Variants in NEO1 observed in about 807,000 individuals in gnomAD.
NEO1 encodes the protein neogenin 1, also known as neogenin.
NEO1 carries 63 observed loss-of-function variants against 159.7 expected under a neutral mutation model. The observed-to-expected ratio is 0.39, with a 90% CI of 0.32 to 0.49. NEO1 has a LOEUF of 0.49. Among genes scored for constraint, NEO1 ranks in the 20% least tolerant of loss-of-function variants. The pLI is 0.85. For missense variants in NEO1, 1,615 were observed against 1,831.0 expected (o/e 0.88, Z 2.15); for synonymous variants, 633 against 662.0 (o/e 0.96, Z 0.67).
rs189897900 is a variant in NEO1, at chr15:73,166,339, C to T, written c.1016-10064C>T. Among the ~76,000 whole-genome samples the T allele has an allele frequency of 3.9e-3, 597 of 152,276 alleles. 7 individuals are homozygous for T. Among genetic ancestry groups the T allele is most frequent in the Non-Finnish European group, 4.8e-3 (324 of 68,024 alleles). On this transcript the variant is annotated intron_variant, in intron 5 of 28. Transcript: ENST00000261908. ...AGAATTACCATTTGAACTAACAGTT[C>T]CTCTTCTGGGCATGTTACCAAACTG...
chr15:73,077,393 C>T (rs1010478512), intron 1 of NEO1, among the ~76,000 whole-genome samples: 92 of 152,154 alleles, frequency 6.0e-4, no homozygotes, highest in Non-Finnish European at 6.2e-4. Context: ...ACAAATTAAA[C>T]TAGTTATGTT....
At chr15:73,144,520 C>T (rs972461653) in intron 5 of NEO1, among the ~76,000 whole-genome samples, 13 of 152,048 alleles carry the variant, frequency 8.5e-5, no homozygotes, top group Admixed American at 8.5e-4. Context: ...TTTCTTTGCC[C>T]GTTCCTTTTG....
intron 5 of NEO1, among the ~76,000 whole-genome samples, chr15:73,139,737 A>G (rs115253960): frequency 0.014 from 2,160 of 152,354 alleles, 47 homozygotes; most frequent in African/African-American, 0.05. Flanking sequence ...TGAAAACTTT[A>G]TGAGATTTCA....
intron 14 of NEO1, among the ~76,000 whole-genome samples, chr15:73,259,786 T>G (rs1318938843): frequency 6.6e-6 from 1 of 152,192 alleles, no homozygotes; most frequent in Non-Finnish European, 1.5e-5. Context: ...CTCCAAACTT[T>G]CATGTTTTCT....
chr15:73,273,041 G>A (rs1196632547), intron 19 of NEO1, among the ~76,000 whole-genome samples: 5 of 143,838 alleles, frequency 3.5e-5, no homozygotes, highest in Non-Finnish European at 7.5e-5. Context: ...GCTACTTCAA[G>A]TACCTGTGCT....
At chr15:73,225,556 C>G (rs1216265306) in intron 7 of NEO1, among the ~76,000 whole-genome samples, 1 of 152,034 alleles carries the variant, frequency 6.6e-6, no homozygotes, top group African/African-American at 2.4e-5. Flanking sequence ...CTGAGTCATG[C>G]AGGTTGTCAG....
chr15:73,137,745 C>T (rs1393377572), intron 5 of NEO1, among the ~76,000 whole-genome samples: 31 of 152,314 alleles, frequency 2.0e-4, no homozygotes, highest in Non-Finnish European at 2.9e-5. Context: ...GATCCACCCG[C>T]CTCGGCCTCC....
chr15:73,096,374 C>T (rs559426583), intron 1 of NEO1, among the ~76,000 whole-genome samples: 35 of 152,134 alleles, frequency 2.3e-4, no homozygotes, highest in Middle Eastern at 3.4e-3. Flanking sequence ...CTGAAGCATT[C>T]GAAGAATTGC....
chr15:73,207,897 A>G (rs917474536), intron 7 of NEO1, among the ~76,000 whole-genome samples: 1 of 152,206 alleles, frequency 6.6e-6, no homozygotes, highest in African/African-American at 2.4e-5. Context: ...TTTGGGATTA[A>G]TATTTATGAA....
intron 15 of NEO1, among the ~76,000 whole-genome samples, chr15:73,264,750 G>T (rs1199300675): frequency 6.6e-6 from 1 of 152,064 alleles, no homozygotes; most frequent in African/African-American, 2.4e-5. Context: ...TCAGCACCTG[G>T]ATATATCTCA....
chr15:73,083,773 T>C (rs1259713973), intron 1 of NEO1, among the ~76,000 whole-genome samples: 1 of 152,196 alleles, frequency 6.6e-6, no homozygotes, highest in Non-Finnish European at 1.5e-5. Context: ...AGGTAAGTTA[T>C]ATAATGATTT....
chr15:73,238,873 A>C (rs561982632), intron 8 of NEO1, among the ~76,000 whole-genome samples: 1 of 151,110 alleles, frequency 6.6e-6, no homozygotes, highest in African/African-American at 2.4e-5. Context: ...TTGGAGACAA[A>C]GGTCTCGCTG....
At chr15:73,289,118 G>T in intron 24 of NEO1, 28 bp from the exon 25 acceptor site, 1 of 1,599,798 alleles carries the variant, frequency 6.3e-7, no homozygotes, top group Non-Finnish European at 8.6e-7. Flanking sequence ...GCACATGCTG[G>T]TAACTAACCT....
At chr15:73,086,980 T>C (rs2069403316) in intron 1 of NEO1, among the ~76,000 whole-genome samples, 1 of 152,186 alleles carries the variant, frequency 6.6e-6, no homozygotes, top group African/African-American at 2.4e-5. Context: ...TTGTTCCTTT[T>C]CATTTGTATG....
At chr15:73,170,899 G>A (rs2034915246) in intron 5 of NEO1, among the ~76,000 whole-genome samples, 1 of 151,786 alleles carries the variant, frequency 6.6e-6, no homozygotes, top group Non-Finnish European at 1.5e-5. Context: ...CGCCTGATGG[G>A]CAATGATAAC....
chr15:73,090,891 G>T (rs1249859990), intron 1 of NEO1, among the ~76,000 whole-genome samples: 2 of 152,124 alleles, frequency 1.3e-5, no homozygotes, highest in African/African-American at 4.8e-5. Flanking sequence ...TGTTTTATAT[G>T]TGCTAAGTAC....
chr15:73,073,614 G>A (rs1198088392), intron 1 of NEO1, among the ~76,000 whole-genome samples: 2 of 152,058 alleles, frequency 1.3e-5, no homozygotes, highest in Non-Finnish European at 2.9e-5. Context: ...ATTTGCATTC[G>A]ACCCATTGTA....
At chr15:73,165,359 C>T (rs912226855) in intron 5 of NEO1, among the ~76,000 whole-genome samples, 4 of 152,034 alleles carry the variant, frequency 2.6e-5, no homozygotes, top group Non-Finnish European at 5.9e-5. Flanking sequence ...GAGTACTTTT[C>T]ACCTTCTTAA....
At chr15:73,073,437 G>GGT (rs373918426) in intron 1 of NEO1, among the ~76,000 whole-genome samples, 5 of 151,678 alleles carry the variant, frequency 3.3e-5, no homozygotes, top group Admixed American at 2.0e-4. Context: ...TCATGAGTTG[G>GGT]GTGTGTGTGT....
Sources: allele counts gnomAD v4.1 joint callset (sites outside exome capture counted in the v4.1 genomes callset), GRCh38; gene constraint gnomAD v4.1.1; transcripts MANE v1.5; gene names NCBI Gene and HGNC (gene_info 2026-07-23, HGNC 2026-07-21).